Variants in PCDHGA7 observed in about 807,000 individuals in gnomAD.
The protein encoded by PCDHGA7 is protocadherin gamma subfamily A, 7.
A neutral mutation model predicts 58.3 loss-of-function variants in PCDHGA7; 44 were observed. That is an observed-to-expected ratio of 0.75 (90% CI 0.59 to 0.97). PCDHGA7 has a LOEUF of 0.97. PCDHGA7 is among the 50% of genes least tolerant of loss of function. The pLI is 0.00. For missense variants in PCDHGA7, 1,266 were observed against 1,188.7 expected, an observed-to-expected ratio of 1.06 and a Z score of -0.96; for synonymous variants, 516 against 504.2, an observed-to-expected ratio of 1.02 and a Z score of -0.31.
chr5:141,485,920 T>G lies in PCDHGA7; in HGVS notation c.2425-8887T>G. 4 of 1,614,038 alleles carry G rather than the reference T, an allele frequency of 2.5e-6. No individual in the cohort carries two copies. Among genetic ancestry groups the G allele is most frequent in the Non-Finnish European group, 3.4e-6 (4 of 1,180,010 alleles). ...CCTTCCAGCAATCCAGCTACAGGAT[T>G]AGTGTGTTGGAGAGCGCACCAGCGG... On this transcript the variant is annotated intron_variant, in intron 1 of 3. Transcript: ENST00000518325. The surrounding 1 kb of genome is among the most constrained non-coding windows in gnomAD (Gnocchi z 5.7).
chr5:141,508,527 GCACC>G (rs2099869479), intron 3 of PCDHGA7, among the ~76,000 whole-genome samples: 1 of 152,104 alleles, frequency 6.6e-6, no homozygotes, highest in Non-Finnish European at 1.5e-5. Flanking sequence ...CAACCTCAGG[GCACC>G]CCCCACGAGG....
intron 1 of PCDHGA7, among the ~76,000 whole-genome samples, chr5:141,462,027 TG>T (rs1239347302): frequency 6.6e-6 from 1 of 152,220 alleles, no homozygotes; most frequent in African/African-American, 2.4e-5. Flanking sequence ...TTCTTCATGT[TG>T]GTCAGGCGGG....
At chr5:141,423,332 C>T in intron 1 of PCDHGA7, 1 of 1,614,198 alleles carries the variant, frequency 6.2e-7, no homozygotes, top group South Asian at 1.1e-5. Flanking sequence ...GCCGCAGTCT[C>T]CTGCATCTTC....
chr5:141,409,278 A>C, intron 1 of PCDHGA7: 1 of 1,614,022 alleles, frequency 6.2e-7, no homozygotes, highest in Non-Finnish European at 8.5e-7. Flanking sequence ...ATTTTGGAGA[A>C]TTCACCTCCA....
intron 1 of PCDHGA7, chr5:141,393,842 T>A (rs1010461527): frequency 1.2e-6 from 2 of 1,613,830 alleles, no homozygotes; most frequent in African/African-American, 2.7e-5. Flanking sequence ...TAAATGACAA[T>A]AGACCAGAAG....
rs547129690 is a variant in PCDHGA7, at chr5:141,385,366, C to A, written c.2424+43C>A. On this transcript the variant is annotated intron_variant, in intron 1 of 3. Transcript: ENST00000518325. ...TTTATTTCCATGAGGAATTTATTTG[C>A]ATGATATTTCTCTATTATTTTGCAA... The A allele has an allele frequency of 5.9e-6, 9 of 1,535,728 alleles. No individual in the cohort carries two copies. The South Asian group carries it at 9.0e-5, about 15-fold the overall frequency.
intron 1 of PCDHGA7, among the ~76,000 whole-genome samples, chr5:141,484,096 G>T (rs539388257): frequency 6.6e-6 from 1 of 152,244 alleles, no homozygotes; most frequent in Non-Finnish European, 1.5e-5. Flanking sequence ...GTCTTCGTTG[G>T]TAATTAACAA....
intron 2 of PCDHGA7, among the ~76,000 whole-genome samples, chr5:141,497,050 G>A (rs113054804): frequency 6.6e-5 from 10 of 152,096 alleles, no homozygotes; most frequent in East Asian, 5.8e-4. Context: ...TTAGCCAGGC[G>A]TGGTGGCAGG....
rs535002528 is a variant in PCDHGA7 at position 141,396,788 on chromosome 5, T to C, written c.2424+11465T>C. On this transcript the variant is annotated intron_variant, in intron 1 of 3. Transcript: ENST00000518325. ...GTTTGTTATTAATGAAAAGGACATT[T>C]CCTAAGGATTGTGTAGTGTTCTACT... Among the ~76,000 whole-genome samples, 53 of 152,322 alleles carry C rather than the reference T, an allele frequency of 3.5e-4. 2 individuals are homozygous for C. Among genetic ancestry groups the C allele is most frequent in the Admixed American group, 3.3e-3 (50 of 15,300 alleles).
chr5:141,414,864 G>A (rs766848727), intron 1 of PCDHGA7: 2 of 1,614,174 alleles, frequency 1.2e-6, no homozygotes, highest in South Asian at 2.2e-5. Context: ...ACGACAATGC[G>A]CCCGAGATCC....
chr5:141,421,469 G>T (rs767500900), intron 1 of PCDHGA7: 1 of 1,614,122 alleles, frequency 6.2e-7, no homozygotes, highest in South Asian at 1.1e-5. Flanking sequence ...GTGAATCCGC[G>T]AAGCGGCAGC....
At chr5:141,388,800 G>A (rs1193679536) in intron 1 of PCDHGA7, 6 of 1,613,896 alleles carry the variant, frequency 3.7e-6, no homozygotes, top group Non-Finnish European at 5.1e-6. Context: ...AAATACATTA[G>A]ATTTTGAAGA....
rs771124496 is a variant in PCDHGA7, at chr5:141,489,457, C to T, written c.2425-5350C>T. The T allele has an allele frequency of 1.2e-5, 19 of 1,613,882 alleles. No homozygotes were observed. The highest frequency in any genetic ancestry group is 6.7e-5 in the African/African-American group (5 of 74,896). Reference sequence around the variant, plus strand: ...GCAATTGGGCTCTGAGGAGAATGGGCGCTATTTTTCCCTGAGCTTGATGAG... The same window carrying T: ...GCAATTGGGCTCTGAGGAGAATGGGTGCTATTTTTCCCTGAGCTTGATGAG... On this transcript the variant is annotated intron_variant, in intron 1 of 3. Coordinates refer to ENST00000518325, the MANE Select transcript of PCDHGA7 (RefSeq NM_018920.4). The surrounding 1 kb of genome is among the most constrained non-coding windows in gnomAD (Gnocchi z 4.5).
chr5:141,425,943 C>A (rs2096904576), intron 1 of PCDHGA7, among the ~76,000 whole-genome samples: 1 of 152,220 alleles, frequency 6.6e-6, no homozygotes, highest in Non-Finnish European at 1.5e-5. Flanking sequence ...TGTCTAGTTT[C>A]CTATACATTA....
rs759742074 is a variant in PCDHGA7 at position 141,403,012 on chromosome 5, G to T, written c.2424+17689G>T. On this transcript the variant is annotated intron_variant, in intron 1 of 3. Transcript: ENST00000518325. ...GATTAGTCCTGCTATGCTCGCTCCT[G>T]GGGATGCTATGGGAGGCCAGGGCCA... 8.1e-6 allele frequency: 13 copies of T among 1,614,072 alleles called. 1 individual carries two copies. The South Asian group carries it at 1.4e-4, about 18-fold the overall frequency.
chr5:141,498,284 G>A (rs1339639509), intron 2 of PCDHGA7, among the ~76,000 whole-genome samples: 1 of 152,004 alleles, frequency 6.6e-6, no homozygotes, highest in Non-Finnish European at 1.5e-5. Flanking sequence ...CTTGGTTCAA[G>A]ATCAAGCCAG....
chr5:141,428,436 A>G (rs922762798), intron 1 of PCDHGA7: 5 of 401,736 alleles, frequency 1.2e-5, no homozygotes, highest in Non-Finnish European at 2.3e-5. Flanking sequence ...CTAAGACTAG[A>G]CCAGGGGTTT....
chr5:141,389,737 G>A, intron 1 of PCDHGA7: 2 of 1,612,718 alleles, frequency 1.2e-6, no homozygotes, highest in Non-Finnish European at 1.7e-6. Flanking sequence ...TTCAGCCTGG[G>A]GCTGCGCACG....
intron 1 of PCDHGA7, chr5:141,403,591 G>A (rs1377998886): frequency 2.5e-6 from 4 of 1,613,836 alleles, no homozygotes; most frequent in East Asian, 2.2e-5. Context: ...TGGTCCTCAC[G>A]GCCTCGGATG....
Sources: gnomAD v4.1 joint callset for allele counts (sites outside exome capture counted in the v4.1 genomes callset) on GRCh38, gnomAD v4.1.1 for gene constraint, Gnocchi (gnomAD v3.1) non-coding constraint, MANE v1.5 for transcripts, NCBI Gene and HGNC (gene_info 2026-07-23, HGNC 2026-07-21) for gene names.